The following PBX1 variants were observed in gnomAD, a reference collection of about 807,000 sequenced individuals.
PBX1 encodes the protein pre-B-cell leukemia transcription factor 1.
A neutral mutation model predicts 53.4 loss-of-function variants in PBX1; 6 were observed. The observed-to-expected ratio is 0.11, with a 90% confidence interval of 0.06 to 0.22. PBX1 has a LOEUF of 0.22. PBX1 is among the 10% of genes least tolerant of loss of function. The probability of loss-of-function intolerance (pLI) is 1.00; values close to 1 mark genes in which losing one functional copy is unlikely to be tolerated. For missense variants in PBX1, 251 were observed against 551.4 expected, an observed-to-expected ratio of 0.46 and a Z score of 5.46; for synonymous variants, 204 against 212.3, an observed-to-expected ratio of 0.96 and a Z score of 0.34.
At chr1:164,689,339 T>C (rs936991955) in intron 2 of PBX1, among the ~76,000 whole-genome samples, 3 of 152,102 alleles carry the variant, frequency 2.0e-5, no homozygotes, top group African/African-American at 4.8e-5. Context: ...CTTTTCTTTT[T>C]TTTTTCCTCC....
At chr1:164,693,820 C>T (rs1485642585) in intron 2 of PBX1, among the ~76,000 whole-genome samples, 2 of 152,198 alleles carry the variant, frequency 1.3e-5, no homozygotes, top group South Asian at 2.1e-4. Context: ...AACACCATGA[C>T]GTCTGCCTTT....
chr1:164,823,464 G>A (rs1265307604), intron 8 of PBX1, among the ~76,000 whole-genome samples: 1 of 152,180 alleles, frequency 6.6e-6, no homozygotes, highest in African/African-American at 2.4e-5. Context: ...AAGCACAAGA[G>A]TGTAGGGACA....
chr1:164,750,824 A>G (rs10918063), intron 2 of PBX1, among the ~76,000 whole-genome samples: 19,439 of 152,158 alleles, frequency 0.13, 2,294 homozygotes, highest in African/African-American at 0.31. Context: ...AGTGGCTTAT[A>G]TATCAGTTAA....
At chr1:164,614,160 T>TG (rs767642047) in intron 2 of PBX1, among the ~76,000 whole-genome samples, 45 of 152,186 alleles carry the variant, frequency 3.0e-4, no homozygotes, top group Non-Finnish European at 6.0e-4. Context: ...CTTCGGTGAT[T>TG]GGGTCCTCCT....
At chr1:164,589,269 A>ACACACTCAGCATTCCCAAGT (rs1273861796) in intron 2 of PBX1, among the ~76,000 whole-genome samples, 1 of 152,040 alleles carries the variant, frequency 6.6e-6, no homozygotes, top group Non-Finnish European at 1.5e-5. Flanking sequence ...TTCTGCAGGC[A>ACACACTCAGCATTCCCAAGT]CACACACAGC....
chr1:164,635,341 G>A (rs561075868), intron 2 of PBX1, among the ~76,000 whole-genome samples: 2 of 151,890 alleles, frequency 1.3e-5, no homozygotes, highest in Non-Finnish European at 2.9e-5. Context: ...GGGGAGGGAG[G>A]GGAACCAGGC....
At chr1:164,829,976 T>G (rs1308069268) in intron 8 of PBX1, 1 of 152,098 alleles carries the variant, frequency 6.6e-6, no homozygotes, top group Admixed American at 6.6e-5. Context: ...TATGGCTAGT[T>G]TGAAAAAGAA....
At chr1:164,838,754 T>G (rs1232253035) in intron 8 of PBX1, among the ~76,000 whole-genome samples, 2 of 152,100 alleles carry the variant, frequency 1.3e-5, no homozygotes, top group African/African-American at 2.4e-5. Context: ...GAGCAAGAGA[T>G]GGACCTATAA....
chr1:164,561,697 A>T (rs1245803644), intron 1 of PBX1, among the ~76,000 whole-genome samples: 1 of 152,170 alleles, frequency 6.6e-6, no homozygotes, highest in African/African-American at 2.4e-5. Context: ...GAAACTGTGG[A>T]CAAACAGGGC....
intron 2 of PBX1, among the ~76,000 whole-genome samples, chr1:164,601,235 CAAAAAAA>C (rs746798555): frequency 5.9e-5 from 2 of 34,016 alleles, no homozygotes; most frequent in Non-Finnish European, 6.0e-5. Context: ...GATTCTGTCT[CAAAAAAA>C]AAAAAAAAAA....
Position 164,759,946 on chromosome 1 carries a change from G to A in PBX1, c.266-32548G>A, listed in dbSNP as rs146773063. On this transcript the variant is annotated intron_variant, in intron 2 of 8. Transcript: ENST00000420696. ...TTGACCTCCACATGGAGCCCGACTA[G>A]ATCCCCCTAAAAACCACAGTTGTAA... 2.6e-5 allele frequency among the ~76,000 whole-genome samples: 4 copies of A among 152,236 alleles called. No homozygotes were observed. In the East Asian group the frequency reaches 5.8e-4, roughly 22 times the overall value.
chr1:164,591,094 C>T (rs1483902457), intron 2 of PBX1, among the ~76,000 whole-genome samples: 1 of 151,290 alleles, frequency 6.6e-6, no homozygotes, highest in East Asian at 2.0e-4. Context: ...TCACTGCATC[C>T]TCTGCCTCCC....
At chr1:164,786,718 T>TGCGCGC (rs1553246252) in intron 2 of PBX1, among the ~76,000 whole-genome samples, 18 of 100,074 alleles carry the variant, frequency 1.8e-4, no homozygotes, top group African/African-American at 6.0e-4. Context: ...TGTGTGTGTG[T>TGCGCGC]GTGCGCGCGC....
chr1:164,719,717 C>G (rs1417204258), intron 2 of PBX1, among the ~76,000 whole-genome samples: 1 of 152,176 alleles, frequency 6.6e-6, no homozygotes, highest in African/African-American at 2.4e-5. Context: ...TTGGCACACT[C>G]TTTCTGTCAT....
intron 2 of PBX1, among the ~76,000 whole-genome samples, chr1:164,707,200 C>T (rs1557955846): frequency 6.6e-6 from 1 of 152,208 alleles, no homozygotes; most frequent in East Asian, 1.9e-4. Context: ...GAGGGAGCGT[C>T]TGTGACATGA....
chr1:164,577,952 A>T (rs1292273514), intron 2 of PBX1, among the ~76,000 whole-genome samples: 2 of 152,208 alleles, frequency 1.3e-5, no homozygotes, highest in Non-Finnish European at 2.9e-5. Flanking sequence ...CAGCTAAAAT[A>T]TAAGCATAGC....
chr1:164,604,521 A>G (rs959401459), intron 2 of PBX1, among the ~76,000 whole-genome samples: 5 of 152,250 alleles, frequency 3.3e-5, no homozygotes, highest in African/African-American at 9.6e-5. Context: ...AGTGATAACT[A>G]CTGGTCACAG....
At chr1:164,573,901 C>G (rs536107633) in intron 2 of PBX1, among the ~76,000 whole-genome samples, 1 of 152,146 alleles carries the variant, frequency 6.6e-6, no homozygotes, top group African/African-American at 2.4e-5. Context: ...GGCATAACTC[C>G]GTTTTGTTCC....
chr1:164,720,715 C>A (rs574974384), intron 2 of PBX1, among the ~76,000 whole-genome samples: 4 of 152,162 alleles, frequency 2.6e-5, no homozygotes, highest in African/African-American at 9.7e-5. Context: ...ATCATTAGAC[C>A]TGCCTCCAGG....
Sources: allele counts gnomAD v4.1 joint callset (sites outside exome capture counted in the v4.1 genomes callset), GRCh38; gene constraint gnomAD v4.1.1; transcripts MANE v1.5; gene names NCBI Gene and HGNC (gene_info 2026-07-23, HGNC 2026-07-21).